The following MSR1 variants were observed in gnomAD, a reference collection of about 807,000 sequenced individuals.
The protein encoded by MSR1 is macrophage scavenger receptor 1.
MSR1 carries 53 observed loss-of-function variants against 47.2 expected under a neutral mutation model. The observed-to-expected ratio is 1.12, with a 90% CI of 0.90 to 1.41. The LOEUF (loss-of-function observed/expected upper bound fraction) is 1.41, where lower values mean the gene tolerates loss of function less well. Among genes scored for constraint, MSR1 ranks in the 40% most tolerant of loss-of-function variants. The pLI, the probability that MSR1 is intolerant of heterozygous loss-of-function variation, is 0.00. For synonymous variants in MSR1, 239 were observed against 185.6 expected (o/e 1.29, Z -2.34); for missense variants, 786 against 546.9 (o/e 1.44, Z -4.36).
intron 4 of MSR1, among the ~76,000 whole-genome samples, chr8:16,165,999 T>C (rs888262770): frequency 2.6e-5 from 4 of 152,170 alleles, no homozygotes; most frequent in Admixed American, 6.5e-5. Flanking sequence ...CCATGATAAA[T>C]ACACTTGACT....
At chr8:16,192,495 A>G (rs1453645379) in intron 1 of MSR1, 103 bp downstream of exon 1, 1 of 151,938 alleles carries the variant, frequency 6.6e-6, no homozygotes, top group Non-Finnish European at 1.5e-5. Context: ...ACACAAATAT[A>G]TATCACACAC....
chr8:16,113,905 C>G (rs1012937835), intron 9 of MSR1, among the ~76,000 whole-genome samples: 224 of 138,806 alleles, frequency 1.6e-3, no homozygotes, highest in African/African-American at 6.0e-3. Flanking sequence ...CACCCCCAAC[C>G]ACCCCCAACC....
chr8:16,164,973 G>C (rs1023872026), intron 4 of MSR1, among the ~76,000 whole-genome samples: 3 of 151,902 alleles, frequency 2.0e-5, no homozygotes, highest in Non-Finnish European at 4.4e-5. Flanking sequence ...AAATACTTTA[G>C]AGACTGATAT....
chr8:16,124,627 C>G lies in MSR1; in HGVS notation c.1034-4021G>C, dbSNP rs77439042. Among the ~76,000 whole-genome samples the G allele has an allele frequency of 1.4e-3, 211 of 152,244 alleles. 3 individuals carry two copies. The highest frequency in any genetic ancestry group is 5.1e-3 in the African/African-American group (210 of 41,554). Reference sequence around the variant, plus strand: ...CTTCTTCCCTTCCCACTTCCCCTCTCATTTCTACACTCTCAATCTCCAAAT... The same window carrying G: ...CTTCTTCCCTTCCCACTTCCCCTCTGATTTCTACACTCTCAATCTCCAAAT... On this transcript the variant is annotated intron_variant, in intron 8 of 9. Transcript: ENST00000262101.
rs1157367339 is a variant in MSR1, at chr8:16,107,928, A to G, written c.*2157T>C. The G allele has an allele frequency of 6.6e-6, 1 of 151,908 alleles. No individual in the cohort carries two copies. Among genetic ancestry groups the G allele is most frequent in the Non-Finnish European group, 1.5e-5 (1 of 67,938 alleles). 9.4% of individuals were successfully genotyped at this position (151,908 alleles called of 1,614,324 possible). On this transcript the variant is annotated 3_prime_UTR_variant, in exon 10 of 10. Coordinates refer to ENST00000262101, the MANE Select transcript of MSR1 (RefSeq NM_138715.3). ...GAACAAATGCAATTCAACATTCCAAAGTAAATTAAGTCCTCAATTTGTATT... is the reference window on the plus strand; with the variant it reads ...GAACAAATGCAATTCAACATTCCAAGGTAAATTAAGTCCTCAATTTGTATT...
At chr8:16,181,075 G>A (rs1395829507) in intron 1 of MSR1, among the ~76,000 whole-genome samples, 2 of 152,074 alleles carry the variant, frequency 1.3e-5, no homozygotes, top group African/African-American at 2.4e-5. Flanking sequence ...TAGATTTAAA[G>A]AGCAGTTTTA....
intron 8 of MSR1, among the ~76,000 whole-genome samples, chr8:16,137,033 T>C (rs1183416445): frequency 4.4e-5 from 4 of 90,308 alleles, no homozygotes; most frequent in African/African-American, 1.0e-4. Context: ...AGAAAGTACA[T>C]TATGGAGTTA....
At chr8:16,119,870 C>CA (rs774992630) in intron 9 of MSR1, among the ~76,000 whole-genome samples, 2 of 95,680 alleles carry the variant, frequency 2.1e-5, no homozygotes, top group Non-Finnish European at 2.0e-5. Flanking sequence ...TCACGCCTGG[C>CA]TTTTTTTTTT....
At chr8:16,156,371 A>G (rs946087181) in intron 5 of MSR1, among the ~76,000 whole-genome samples, 2 of 151,896 alleles carry the variant, frequency 1.3e-5, no homozygotes, top group African/African-American at 2.4e-5. Flanking sequence ...AAATAAATAA[A>G]GATTATCTCA....
chr8:16,124,379 T>C (rs1800080715), intron 8 of MSR1, among the ~76,000 whole-genome samples: 1 of 152,200 alleles, frequency 6.6e-6, no homozygotes, highest in Non-Finnish European at 1.5e-5. Context: ...ACAAACATAG[T>C]AGACGAGAAT....
intron 4 of MSR1, among the ~76,000 whole-genome samples, chr8:16,164,834 A>G (rs530652105): frequency 7.4e-4 from 112 of 152,144 alleles, no homozygotes; most frequent in African/African-American, 2.6e-3. Context: ...AAATACACGT[A>G]TATTTTGTGT....
In MSR1 at chr8:16,168,589, G is replaced by A. The variant is rs745492670; in HGVS notation, c.499C>T (p.Gln167Ter). 4.3e-6 allele frequency: 7 copies of A among 1,613,944 alleles called. No individual in the cohort carries two copies. The East Asian group carries it at 1.6e-4, about 36-fold the overall frequency. ...LQLSTLFSSV[Q>*]GHGNAIDEIS... ...TCATCTATTGCATTCCCATGTCCCT[G>A]GACTGAGGAAAACAAGGTACTTAGC... The change falls in exon 4 of 10, where the codon CAG becomes TAG. Residue 167 changes from glutamine to a stop codon, truncating the protein, a stop_gained. Transcript: ENST00000262101. LOFTEE classifies it high-confidence loss of function.
chr8:16,178,024 C>T (rs549150068), intron 1 of MSR1, 32 bp from the exon 2 acceptor site: 1 of 1,531,518 alleles, frequency 6.5e-7, no homozygotes, highest in South Asian at 1.1e-5. Flanking sequence ...TATATTAATT[C>T]CACATGAAAT....
intron 3 of MSR1, among the ~76,000 whole-genome samples, chr8:16,173,737 C>G (rs1194318416): frequency 6.6e-6 from 1 of 152,136 alleles, no homozygotes; most frequent in Non-Finnish European, 1.5e-5. Context: ...CAAGTTCCAC[C>G]TCCTGGGTTC....
chr8:16,177,896 C>G lies in MSR1; in HGVS notation c.93G>C (p.Leu31Phe), dbSNP rs1438651134. The G allele has an allele frequency of 1.5e-5, 24 of 1,613,798 alleles. No individual in the cohort carries two copies. Among genetic ancestry groups the G allele is most frequent in the Middle Eastern group, 1.7e-4 (1 of 6,058 alleles). The change falls in exon 2 of 10, where the codon TTG (leucine) becomes TTC (phenylalanine). Residue 31 changes from leucine (L) to phenylalanine (F), a missense_variant. By Grantham distance (22) the Leu-to-Phe change is conservative. Transcript: ENST00000262101. ...VKFDARSMTA[L>F]LPPNPKNSPS... ...TCCCCCTCTACTTACTCGGAGGAAGCAAAGCTGTCATTGAGCGAGCATCAA... is the reference window on the plus strand; with the variant it reads ...TCCCCCTCTACTTACTCGGAGGAAGGAAAGCTGTCATTGAGCGAGCATCAA...
intron 3 of MSR1, among the ~76,000 whole-genome samples, chr8:16,170,827 T>A (rs1366616059): frequency 2.6e-5 from 4 of 152,158 alleles, no homozygotes; most frequent in African/African-American, 9.7e-5. Flanking sequence ...TACTTATCGC[T>A]CTCCTTGCTT....
Position 16,168,635 on chromosome 8 carries a change from T to A in MSR1, c.453A>T (p.Arg151Ser). 6.2e-7 allele frequency: 1 copy of A among 1,614,142 alleles called. No homozygotes were observed. The highest frequency in any genetic ancestry group is 8.5e-7 in the Non-Finnish European group (1 of 1,179,992). The change falls in exon 4 of 10, where the codon AGA becomes AGT. Residue 151 changes from arginine (R) to serine (S), a missense_variant. Physicochemically the swap from Arg to Ser is moderately radical, Grantham distance 110. Transcript: ENST00000262101. ...TTAGCTGCAGAAGAATGTCATTAAA[T>A]CTTTGATCAGTTGTCATGCTGAAAT... ...FQNFSMTTDQ[R>S]FNDILLQLST...
intron 1 of MSR1, among the ~76,000 whole-genome samples, chr8:16,186,633 A>G (rs1585201660): frequency 7.3e-6 from 1 of 137,008 alleles, no homozygotes; most frequent in Middle Eastern, 3.8e-3. Flanking sequence ...TCACCGTGAC[A>G]TTTCTTTTTT....
intron 3 of MSR1, among the ~76,000 whole-genome samples, chr8:16,174,727 AT>A (rs1188980023): frequency 6.6e-6 from 1 of 151,896 alleles, no homozygotes; most frequent in Non-Finnish European, 1.5e-5. Flanking sequence ...TGACAGAAAT[AT>A]TTTTTCTGCT....
Sources: allele counts gnomAD v4.1 joint callset (sites outside exome capture counted in the v4.1 genomes callset), GRCh38; gene constraint gnomAD v4.1.1; transcripts MANE v1.5; gene names NCBI Gene and HGNC (gene_info 2026-07-23, HGNC 2026-07-21).